Variants in AFG2A observed in about 807,000 individuals in gnomAD.
AFG2A encodes AAA ATPase AFG2A.
chr4:123,118,344 T>TATAA, the AFG2A span, among the ~76,000 whole-genome samples: 115 of 32,376 alleles, frequency 3.6e-3, 1 homozygote, highest in African/African-American at 5.8e-3. Context: ...ATATATTATA[T>TATAA]TATATATATT....
At chr4:123,004,260 C>T in the AFG2A span, among the ~76,000 whole-genome samples, 2 of 152,234 alleles carry the variant, frequency 1.3e-5, no homozygotes, top group Non-Finnish European at 2.9e-5. Flanking sequence ...CTTGCGCTTC[C>T]CGAGTGAGGA....
At chr4:123,026,778 A>C in the AFG2A span, among the ~76,000 whole-genome samples, 1 of 152,234 alleles carries the variant, frequency 6.6e-6, no homozygotes, top group Non-Finnish European at 1.5e-5. Context: ...TAGAGAATGC[A>C]TCACTCAGAC....
the AFG2A span, among the ~76,000 whole-genome samples, chr4:123,170,806 GTTTC>G: frequency 3.9e-5 from 6 of 151,908 alleles, no homozygotes; most frequent in African/African-American, 7.3e-5. Context: ...TCAAAATTCA[GTTTC>G]TTTCTTAACT....
chr4:122,966,287 T>A, the AFG2A span, among the ~76,000 whole-genome samples: 1 of 152,226 alleles, frequency 6.6e-6, no homozygotes, highest in East Asian at 1.9e-4. Context: ...TGCAAATCAG[T>A]AAACTTACCT....
At chr4:123,123,823 G>A in the AFG2A span, among the ~76,000 whole-genome samples, 4 of 151,068 alleles carry the variant, frequency 2.6e-5, no homozygotes, top group African/African-American at 7.3e-5. Context: ...ATGGTGGCGC[G>A]CGCCTGTAGT....
chr4:123,239,826 A>G, the AFG2A span, among the ~76,000 whole-genome samples: 1 of 152,192 alleles, frequency 6.6e-6, no homozygotes, highest in African/African-American at 2.4e-5. Flanking sequence ...TTCACACATA[A>G]CAATACTAAC....
At chr4:123,069,177 T>C in the AFG2A span, among the ~76,000 whole-genome samples, 5 of 152,308 alleles carry the variant, frequency 3.3e-5, no homozygotes, top group South Asian at 4.1e-4. Context: ...ATGAGCATTA[T>C]CCATTTTAGG....
the AFG2A span, among the ~76,000 whole-genome samples, chr4:123,136,276 A>G: frequency 2.6e-5 from 4 of 152,236 alleles, no homozygotes; most frequent in Admixed American, 6.5e-5. Context: ...GCTTACGCCT[A>G]TAATCCCAGC....
the AFG2A span, among the ~76,000 whole-genome samples, chr4:123,284,458 TC>T: frequency 6.6e-6 from 1 of 152,204 alleles, no homozygotes; most frequent in Admixed American, 6.6e-5. Context: ...AGCAGGACTT[TC>T]AGGAATAGAA....
At chr4:123,041,416 C>T in the AFG2A span, among the ~76,000 whole-genome samples, 18 of 148,018 alleles carry the variant, frequency 1.2e-4, no homozygotes, top group South Asian at 3.3e-3. Context: ...CCACCGCGCC[C>T]GGCCTATGAT....
the AFG2A span, among the ~76,000 whole-genome samples, chr4:123,302,296 A>G: frequency 6.6e-6 from 1 of 151,936 alleles, no homozygotes; most frequent in Non-Finnish European, 1.5e-5. Context: ...CTCCCATTAC[A>G]TGAGTGCTTT....
the AFG2A span, among the ~76,000 whole-genome samples, chr4:123,148,714 C>G: frequency 7.4e-4 from 113 of 151,814 alleles, 3 homozygotes; most frequent in East Asian, 0.014. Flanking sequence ...ACATACCTTG[C>G]CAAAAATTTG....
the AFG2A span, among the ~76,000 whole-genome samples, chr4:123,053,303 G>A: frequency 6.6e-6 from 1 of 152,230 alleles, no homozygotes; most frequent in African/African-American, 2.4e-5. Flanking sequence ...GATGGACCTG[G>A]GGTAGACCCA....
the AFG2A span, among the ~76,000 whole-genome samples, chr4:123,179,775 A>T: frequency 6.6e-6 from 1 of 152,212 alleles, no homozygotes; most frequent in Non-Finnish European, 1.5e-5. Context: ...TCCCTTTGAC[A>T]ATACTATAAG....
chr4:123,040,793 T>C, the AFG2A span, among the ~76,000 whole-genome samples: 43 of 152,330 alleles, frequency 2.8e-4, no homozygotes, highest in East Asian at 6.6e-3. Flanking sequence ...AATTGAGATA[T>C]GGAAGTATTG....
chr4:122,938,741 C>T, the AFG2A span, among the ~76,000 whole-genome samples: 4,668 of 152,114 alleles, frequency 0.031, 127 homozygotes, highest in Non-Finnish European at 0.042. Flanking sequence ...CAGGCATGCA[C>T]CATCACACCT....
chr4:123,121,815 T>G, the AFG2A span, among the ~76,000 whole-genome samples: 1 of 152,216 alleles, frequency 6.6e-6, no homozygotes, highest in Non-Finnish European at 1.5e-5. Context: ...CTTGGCCAAA[T>G]GTACTATTTT....
the AFG2A span, among the ~76,000 whole-genome samples, chr4:123,170,859 AGTTTT>A: frequency 3.3e-5 from 5 of 152,118 alleles, no homozygotes; most frequent in Non-Finnish European, 7.4e-5. Context: ...AAAAACCGTT[AGTTTT>A]GTGACTTGGG....
the AFG2A span, among the ~76,000 whole-genome samples, chr4:123,222,860 G>A: frequency 5.3e-5 from 8 of 152,198 alleles, no homozygotes; most frequent in African/African-American, 1.9e-4. Context: ...ATCCCATATG[G>A]CAGAATTTCC....
Sources: gnomAD v4.1 joint callset for allele counts (sites outside exome capture counted in the v4.1 genomes callset) on GRCh38, gnomAD v4.1.1 for gene constraint, MANE v1.5 for transcripts, NCBI Gene and HGNC (gene_info 2026-07-23, HGNC 2026-07-21) for gene names.